NXPE2: variants seen among roughly 807,000 people sequenced by gnomAD.
The protein encoded by NXPE2 is NXPE family member 2.
In NXPE2, 34 loss-of-function variants were observed where a neutral mutation model predicts 34.4. The observed-to-expected ratio is 0.99, with a 90% CI of 0.75 to 1.31. The LOEUF is 1.31. Among genes scored for constraint, NXPE2 ranks in the 40% most tolerant of loss-of-function variants. NXPE2 has a pLI of 0.00. For synonymous variants in NXPE2, 235 were observed against 231.3 expected, an observed-to-expected ratio of 1.02 and a Z score of -0.15; for missense variants, 649 against 672.5, an observed-to-expected ratio of 0.97 and a Z score of 0.39.
At chr11:114,581,638 G>C in the NXPE2 span, 4 of 1,111,236 alleles carry the variant, frequency 3.6e-6, no homozygotes, top group Non-Finnish European at 5.4e-6. Flanking sequence ...TGATAGGACT[G>C]AAACAGTGAA....
the NXPE2 span, among the ~76,000 whole-genome samples, chr11:114,483,513 G>A: frequency 6.6e-6 from 1 of 152,156 alleles, no homozygotes. Flanking sequence ...CCAGTGCCTG[G>A]CACATCTTAG....
At chr11:114,468,888 T>C in the NXPE2 span, among the ~76,000 whole-genome samples, 1 of 152,162 alleles carries the variant, frequency 6.6e-6, no homozygotes, top group Non-Finnish European at 1.5e-5. Flanking sequence ...GAAATATGCA[T>C]GTTCGAAAAA....
chr11:114,751,981 A>G, the NXPE2 span, among the ~76,000 whole-genome samples: 1 of 152,370 alleles, frequency 6.6e-6, no homozygotes, highest in African/African-American at 2.4e-5. Flanking sequence ...CCTCTAGAAT[A>G]TGGAAAAGAC....
chr11:114,593,059 A>G, the NXPE2 span, among the ~76,000 whole-genome samples: 1 of 152,206 alleles, frequency 6.6e-6, no homozygotes, highest in African/African-American at 2.4e-5. Flanking sequence ...TGCATGACCC[A>G]AAGTATGAAA....
chr11:114,614,170 C>T, the NXPE2 span, among the ~76,000 whole-genome samples: 1 of 147,880 alleles, frequency 6.8e-6, no homozygotes, highest in Non-Finnish European at 1.5e-5. Flanking sequence ...CAACTCTTAC[C>T]CTGTAATAAG....
chr11:114,763,292 AT>A, the NXPE2 span, among the ~76,000 whole-genome samples: 1 of 152,090 alleles, frequency 6.6e-6, no homozygotes, highest in South Asian at 2.1e-4. Context: ...AGTAAAATTA[AT>A]TTTTTGTTCT....
chr11:114,775,334 G>T, the NXPE2 span, among the ~76,000 whole-genome samples: 1 of 152,200 alleles, frequency 6.6e-6, no homozygotes, highest in Non-Finnish European at 1.5e-5. Context: ...AGAGAATAAG[G>T]CCCTGAATAG....
At chr11:114,739,352 C>T in the NXPE2 span, among the ~76,000 whole-genome samples, 2 of 63,748 alleles carry the variant, frequency 3.1e-5, no homozygotes, top group Non-Finnish European at 6.6e-5. Flanking sequence ...CCCTTCCTCT[C>T]TCCCTCCCTC....
the NXPE2 span, among the ~76,000 whole-genome samples, chr11:114,588,821 C>G: frequency 6.6e-6 from 1 of 152,134 alleles, no homozygotes; most frequent in East Asian, 1.9e-4. Flanking sequence ...ACCTTCTTGT[C>G]CCCTGATTCA....
At chr11:114,512,957 C>T in the NXPE2 span, 2 of 321,680 alleles carry the variant, frequency 6.2e-6, no homozygotes, top group South Asian at 5.8e-5. Flanking sequence ...ATGATCCTGT[C>T]ACAGTGTTGG....
downstream of NXPE2, chr11:114,707,450 A>G: frequency 2.4e-6 from 1 of 421,236 alleles, no homozygotes; most frequent in Non-Finnish European, 4.7e-6. Context: ...ACTGGAGTGC[A>G]GTGGCATGAT....
the NXPE2 span, among the ~76,000 whole-genome samples, chr11:114,535,214 T>G: frequency 6.6e-6 from 1 of 151,928 alleles, no homozygotes; most frequent in Non-Finnish European, 1.5e-5. Flanking sequence ...TACAATACTT[T>G]ACAGACAAGC....
At chr11:114,603,572 G>A in the NXPE2 span, among the ~76,000 whole-genome samples, 20,528 of 148,772 alleles carry the variant, frequency 0.14, 1,668 homozygotes, top group East Asian at 0.35. Flanking sequence ...GTATTGCCTC[G>A]TCTCCTAGGT....
the NXPE2 span, among the ~76,000 whole-genome samples, chr11:114,721,804 T>C: frequency 6.6e-6 from 1 of 152,132 alleles, no homozygotes; most frequent in Admixed American, 6.6e-5. Flanking sequence ...CAATGGCCAG[T>C]GGCAGGAGGA....
the NXPE2 span, among the ~76,000 whole-genome samples, chr11:114,600,094 T>C: frequency 6.6e-6 from 1 of 152,158 alleles, no homozygotes; most frequent in Admixed American, 6.6e-5. Context: ...GTACTCAATA[T>C]GTGCTAATGA....
the NXPE2 span, among the ~76,000 whole-genome samples, chr11:114,758,186 C>T: frequency 6.6e-6 from 1 of 152,150 alleles, no homozygotes; most frequent in Non-Finnish European, 1.5e-5. Context: ...ACTAACCTGT[C>T]CCATTTCCTA....
chr11:114,629,112 A>G, the NXPE2 span, among the ~76,000 whole-genome samples: 76 of 152,068 alleles, frequency 5.0e-4, 2 homozygotes, highest in African/African-American at 1.4e-3. Context: ...AACTGGTACC[A>G]TTCCTTCTGA....
At chr11:114,467,699 C>T in the NXPE2 span, among the ~76,000 whole-genome samples, 375 of 151,762 alleles carry the variant, frequency 2.5e-3, 3 homozygotes, top group East Asian at 0.031. Context: ...CTTTGGGAGG[C>T]GGAGGTAGGC....
the NXPE2 span, among the ~76,000 whole-genome samples, chr11:114,507,871 T>C: frequency 1.6e-4 from 25 of 152,000 alleles, no homozygotes; most frequent in African/African-American, 5.6e-4. Flanking sequence ...CTATTCAACA[T>C]AGTATTGGAA....
Sources: gnomAD v4.1 joint callset for allele counts (sites outside exome capture counted in the v4.1 genomes callset) on GRCh38, gnomAD v4.1.1 for gene constraint, MANE v1.5 for transcripts, NCBI Gene and HGNC (gene_info 2026-07-23, HGNC 2026-07-21) for gene names.